FRMD3: variants seen among roughly 807,000 people sequenced by gnomAD.
FRMD3 encodes FERM domain-containing protein 3.
In FRMD3, 33 loss-of-function variants were observed where a neutral mutation model predicts 70.2. The ratio of observed to expected loss-of-function variants is 0.47; its 90% CI spans 0.36 to 0.63. The LOEUF is 0.63. Among genes scored for constraint, FRMD3 ranks in the 20% least tolerant of loss-of-function variants. FRMD3 has a pLI of 0.00. For synonymous variants in FRMD3, 279 were observed against 255.9 expected (o/e 1.09, Z -0.86); for missense variants, 632 against 711.4 (o/e 0.89, Z 1.27).
At chr9:83,570,622 G>T in the FRMD3 span, among the ~76,000 whole-genome samples, 1 of 152,212 alleles carries the variant, frequency 6.6e-6, no homozygotes, top group Admixed American at 6.5e-5. Flanking sequence ...GCATTGCAAA[G>T]TGAATAGATC....
chr9:83,378,782 TTA>T (rs1825258791), intron 2 of FRMD3, among the ~76,000 whole-genome samples: 1 of 80,180 alleles, frequency 1.2e-5, no homozygotes, highest in South Asian at 3.5e-4. Flanking sequence ...ATAATATATA[TTA>T]TATATGTATA....
intron 1 of FRMD3, among the ~76,000 whole-genome samples, chr9:83,411,897 A>G (rs922233378): frequency 6.6e-6 from 1 of 152,208 alleles, no homozygotes; most frequent in Admixed American, 6.5e-5. Flanking sequence ...AATTTGCACC[A>G]TTTCTGGGAT....
intron 1 of FRMD3, among the ~76,000 whole-genome samples, chr9:83,394,026 T>C (rs1430307867): frequency 6.6e-6 from 1 of 152,066 alleles, no homozygotes; most frequent in Non-Finnish European, 1.5e-5. Context: ...ACAGAGAGTT[T>C]GAGAGTTTGA....
At chr9:83,351,354 T>A (rs867033612) in intron 3 of FRMD3, among the ~76,000 whole-genome samples, 6 of 41,552 alleles carry the variant, frequency 1.4e-4, no homozygotes, top group South Asian at 6.7e-4. Flanking sequence ...ACACACACAC[T>A]AGAACTCTTT....
intron 1 of FRMD3, among the ~76,000 whole-genome samples, chr9:83,404,586 G>A (rs1587820858): frequency 6.6e-6 from 1 of 152,112 alleles, no homozygotes; most frequent in Non-Finnish European, 1.5e-5. Context: ...GGATGCACTC[G>A]TAAGAAGTTA....
At chr9:83,315,512 A>G (rs116844903) in intron 6 of FRMD3, among the ~76,000 whole-genome samples, 2,215 of 152,190 alleles carry the variant, frequency 0.015, 41 homozygotes, top group Admixed American at 0.04. Context: ...TTCTCGGGAT[A>G]GTGAGTCCTC....
At chr9:83,571,371 C>T in the FRMD3 span, among the ~76,000 whole-genome samples, 15 of 152,166 alleles carry the variant, frequency 9.9e-5, no homozygotes, top group Admixed American at 2.6e-4. Flanking sequence ...TTATAAATTA[C>T]GGAGTCTCTG....
chr9:83,465,724 G>A (rs963144145), intron 1 of FRMD3, among the ~76,000 whole-genome samples: 9 of 152,084 alleles, frequency 5.9e-5, no homozygotes, highest in African/African-American at 1.2e-4. Context: ...AGCCAGCTAC[G>A]TCCGCTGCAC....
chr9:83,313,978 A>G (rs1835465544), intron 6 of FRMD3, among the ~76,000 whole-genome samples: 1 of 152,220 alleles, frequency 6.6e-6, no homozygotes, highest in African/African-American at 2.4e-5. Context: ...ACGCACTCTG[A>G]GCGCTCCAGT....
chr9:83,540,321 G>A (rs774500431), upstream of FRMD3, among the ~76,000 whole-genome samples: 11 of 152,248 alleles, frequency 7.2e-5, no homozygotes, highest in South Asian at 2.1e-4. Flanking sequence ...TATAGTGACC[G>A]TTAGGCTCCA....
intron 6 of FRMD3, among the ~76,000 whole-genome samples, chr9:83,335,259 G>T (rs1823537683): frequency 6.6e-6 from 1 of 152,196 alleles, no homozygotes; most frequent in African/African-American, 2.4e-5. Flanking sequence ...AAATCCATAT[G>T]TGTAAGAAAA....
At chr9:83,263,273 G>A (rs1233218926) in intron 13 of FRMD3, among the ~76,000 whole-genome samples, 1 of 152,180 alleles carries the variant, frequency 6.6e-6, no homozygotes, top group African/African-American at 2.4e-5. Flanking sequence ...ATTTAAACCA[G>A]TGCTAATTAG....
intron 1 of FRMD3, among the ~76,000 whole-genome samples, chr9:83,520,025 G>A (rs1299786494): frequency 6.6e-6 from 1 of 152,174 alleles, no homozygotes. Context: ...GATAGCATTA[G>A]GAGAAATACC....
the FRMD3 span, among the ~76,000 whole-genome samples, chr9:83,572,207 A>G: frequency 3.9e-5 from 6 of 151,988 alleles, no homozygotes; most frequent in South Asian, 1.2e-3. Flanking sequence ...GCAAGTGGTA[A>G]CAGCACATTT....
chr9:83,341,233 C>G (rs1823744017), intron 5 of FRMD3, among the ~76,000 whole-genome samples: 1 of 152,134 alleles, frequency 6.6e-6, no homozygotes, highest in Non-Finnish European at 1.5e-5. Flanking sequence ...ATTTGAGAGC[C>G]AAAAGGTCTT....
chr9:83,393,718 T>C (rs117323385), intron 1 of FRMD3, among the ~76,000 whole-genome samples: 16,628 of 151,960 alleles, frequency 0.11, 1,015 homozygotes, highest in South Asian at 0.15. Flanking sequence ...GAGAATCTAA[T>C]GCTGCCGCTG....
At chr9:83,350,726 A>C in intron 3 of FRMD3, 5 of 981,360 alleles carry the variant, frequency 5.1e-6, no homozygotes, top group Non-Finnish European at 6.1e-6. Context: ...TGAAGGGAAA[A>C]TCCTATGTAG....
chr9:83,257,228 G>A (rs1331260592), intron 13 of FRMD3, among the ~76,000 whole-genome samples: 1 of 152,200 alleles, frequency 6.6e-6, no homozygotes, highest in African/African-American at 2.4e-5. Flanking sequence ...GCAGGGACAT[G>A]GATGGAGTTG....
rs996750247 is a variant in FRMD3, at chr9:83,247,999, A to T, written c.1713T>A (p.Phe571Leu). 1.9e-6 allele frequency: 3 copies of T among 1,614,216 alleles called. No individual in the cohort carries two copies. The Admixed American group carries it at 5.0e-5, about 27-fold the overall frequency. Residue 571 changes from phenylalanine (F) to leucine (L), a missense_variant, in exon 14 of 14, where the codon TTT (phenylalanine) becomes TTA (leucine). Physicochemically the swap from Phe to Leu is conservative, Grantham distance 22. Transcript: ENST00000304195. Reference sequence around the variant, plus strand: ...TGAGGGGACAGTAGTATTCATAGTGAAACTGCTCAAACTCTGGTGTCTGGC... The same window carrying T: ...TGAGGGGACAGTAGTATTCATAGTGTAACTGCTCAAACTCTGGTGTCTGGC... ...EIRQTPEFEQ[F>L]HYEYYCPLKE... is the part of the protein sequence containing the mutation.
Sources: allele counts gnomAD v4.1 joint callset (sites outside exome capture counted in the v4.1 genomes callset), GRCh38; gene constraint gnomAD v4.1.1; transcripts MANE v1.5; gene names NCBI Gene and HGNC (gene_info 2026-07-23, HGNC 2026-07-21).